The following CCDC73 variants were observed in gnomAD, a reference collection of about 807,000 sequenced individuals.
CCDC73 encodes coiled-coil domain containing 73, also known as coiled-coil domain-containing protein 73.
A neutral mutation model predicts 116.5 loss-of-function variants in CCDC73; 95 were observed. That is an observed-to-expected ratio of 0.82 (90% CI 0.69 to 0.97). The LOEUF is 0.97. Among genes scored for constraint, CCDC73 ranks in the 50% least tolerant of loss-of-function variants. The pLI is 0.00. For synonymous variants in CCDC73, 398 were observed against 401.3 expected (o/e 0.99, Z 0.10); for missense variants, 1,066 against 1,206.8 (o/e 0.88, Z 1.73).
Position 32,785,734 on chromosome 11 carries a change from A to G in CCDC73, c.-16+8879T>C, listed in dbSNP as rs531319543. Among the ~76,000 whole-genome samples the G allele has an allele frequency of 2.0e-5, 3 of 152,240 alleles. No homozygotes were observed. The East Asian group carries it at 5.8e-4, about 29-fold the overall frequency. On this transcript the variant is annotated intron_variant, in intron 1 of 17. Coordinates refer to ENST00000335185, the MANE Select transcript of CCDC73 (RefSeq NM_001008391.4). ...GCACCAGTTTTGAAGTTTTGTGGTA[A>G]AGTACAGATTTTTGTTATGTGCTTT...
At chr11:32,665,101 G>A (rs538795669) in intron 9 of CCDC73, among the ~76,000 whole-genome samples, 249 of 152,320 alleles carry the variant, frequency 1.6e-3, no homozygotes, top group African/African-American at 5.7e-3. Context: ...TTTGGAATAA[G>A]TGTGATGTGG....
At chr11:32,733,279 G>C (rs1319425255) in intron 2 of CCDC73, among the ~76,000 whole-genome samples, 1 of 152,136 alleles carries the variant, frequency 6.6e-6, no homozygotes, top group African/African-American at 2.4e-5. Flanking sequence ...CAAGTCCTTA[G>C]AGACCTACAA....
At chr11:32,803,452 C>A in the CCDC73 span, among the ~76,000 whole-genome samples, 1 of 152,210 alleles carries the variant, frequency 6.6e-6, no homozygotes, top group Admixed American at 6.5e-5. Flanking sequence ...TACTAAACAG[C>A]ATGCACCTTT....
intron 9 of CCDC73, among the ~76,000 whole-genome samples, chr11:32,659,077 CA>C (rs1272543472): frequency 6.6e-6 from 1 of 152,006 alleles, no homozygotes; most frequent in Non-Finnish European, 1.5e-5. Context: ...TAACTATTCT[CA>C]AAAAAGTCCT....
intron 6 of CCDC73, among the ~76,000 whole-genome samples, chr11:32,689,698 A>G (rs1856236505): frequency 6.6e-6 from 1 of 152,186 alleles, no homozygotes; most frequent in Non-Finnish European, 1.5e-5. Context: ...TTGAAGAATT[A>G]GTGAACTAAA....
At chr11:32,625,906 T>C (rs1454247754) in intron 14 of CCDC73, among the ~76,000 whole-genome samples, 1 of 147,454 alleles carries the variant, frequency 6.8e-6, no homozygotes, top group East Asian at 1.9e-4. Flanking sequence ...AGCATTCCCT[T>C]TGAAAACTGG....
At chr11:32,702,761 T>A in intron 4 of CCDC73, 112 bp downstream of exon 4, 1 of 770,664 alleles carries the variant, frequency 1.3e-6, no homozygotes, top group South Asian at 1.5e-5. Flanking sequence ...TAATACCTTG[T>A]TCTCCTTTTT....
chr11:32,614,385 A>G lies in CCDC73; in HGVS notation c.1933T>C (p.Tyr645His). ...ACATTACTTGAATTCCGTAAACTAT[A>G]TTTCTGACATGGAACAGGATTTTTT... ...IKKNPVPCQK[Y>H]SLRNSSNVML... is the part of the protein sequence containing the mutation. The change falls in exon 16 of 18, where the codon TAT (tyrosine) becomes CAT (histidine). Residue 645 changes from tyrosine to histidine, a missense_variant. By Grantham distance (83) the Tyr-to-His change is moderately conservative. Coordinates refer to ENST00000335185, the MANE Select transcript of CCDC73 (RefSeq NM_001008391.4). The G allele has an allele frequency of 6.2e-7, 1 of 1,613,038 alleles. No homozygotes were observed. Among genetic ancestry groups the G allele is most frequent in the Non-Finnish European group, 8.5e-7 (1 of 1,179,388 alleles).
rs762976217 is a variant in CCDC73, at chr11:32,614,076, T to G, written c.2242A>C (p.Met748Leu). The stretch of plus-strand genomic sequence containing the variant: ...TGCATATCACTCATATTTTTACACA[T>G]AGTTTTTCCCCCAGGGCTTGAGTTA... Reference protein sequence around the residue: ...KPNSSPGGKTMCKNMSDMQNS... With the variant: ...KPNSSPGGKTLCKNMSDMQNS... The change falls in exon 16 of 18, where the codon ATG becomes CTG. Residue 748 changes from methionine (M) to leucine (L), a missense_variant. Physicochemically the swap from Met to Leu is conservative, Grantham distance 15. Coordinates refer to ENST00000335185, the MANE Select transcript of CCDC73 (RefSeq NM_001008391.4). 6.2e-7 allele frequency: 1 copy of G among 1,613,372 alleles called. No homozygotes were observed. Among genetic ancestry groups the G allele is most frequent in the Non-Finnish European group, 8.5e-7 (1 of 1,179,902 alleles).
intron 1 of CCDC73, among the ~76,000 whole-genome samples, chr11:32,770,410 A>G (rs1461913721): frequency 6.6e-6 from 1 of 152,200 alleles, no homozygotes; most frequent in Non-Finnish European, 1.5e-5. Flanking sequence ...GAGAAACAAG[A>G]TCACATGGTA....
chr11:32,720,487 T>C (rs913787208), intron 2 of CCDC73, among the ~76,000 whole-genome samples: 1 of 152,150 alleles, frequency 6.6e-6, no homozygotes, highest in Non-Finnish European at 1.5e-5. Flanking sequence ...TCTATTCTCA[T>C]CGCTCTTATT....
chr11:32,718,016 G>T, intron 3 of CCDC73, 60 bp downstream of exon 3: 1 of 1,193,022 alleles, frequency 8.4e-7, no homozygotes, highest in South Asian at 1.3e-5. Flanking sequence ...TGGGGGTTAC[G>T]GGGATTACAA....
intron 5 of CCDC73, 70 bp from the exon 6 acceptor site, chr11:32,699,395 C>A: frequency 7.4e-7 from 1 of 1,353,316 alleles, no homozygotes; most frequent in Non-Finnish European, 9.6e-7. Context: ...AATATAAGAG[C>A]TCAAGAACCC....
chr11:32,701,125 G>C (rs1849807211), intron 4 of CCDC73, among the ~76,000 whole-genome samples: 1 of 152,098 alleles, frequency 6.6e-6, no homozygotes, highest in Non-Finnish European at 1.5e-5. Flanking sequence ...CCAAGTAGCT[G>C]AGACTAGAGC....
At chr11:32,830,161 C>CG in the CCDC73 span, 9 of 1,021,458 alleles carry the variant, frequency 8.8e-6, no homozygotes, top group Non-Finnish European at 1.1e-5. Context: ...GGAACATGTG[C>CG]GGGGGGACAC....
intron 2 of CCDC73, among the ~76,000 whole-genome samples, chr11:32,750,245 C>T (rs1850275761): frequency 6.6e-6 from 1 of 152,156 alleles, no homozygotes; most frequent in African/African-American, 2.4e-5. Context: ...ACAGGTGACA[C>T]AAGCACCCCT....
intron 1 of CCDC73, among the ~76,000 whole-genome samples, chr11:32,781,932 G>A (rs1284237618): frequency 1.3e-5 from 2 of 152,134 alleles, no homozygotes; most frequent in Non-Finnish European, 2.9e-5. Flanking sequence ...GCGATGGCAC[G>A]AGAGCAAGTG....
chr11:32,681,625 C>A (rs949342557), intron 7 of CCDC73: 3 of 151,926 alleles, frequency 2.0e-5, no homozygotes, highest in African/African-American at 7.2e-5. Flanking sequence ...CAAGTTATTT[C>A]TTTTAGGACC....
At chr11:32,698,169 C>T (rs887905084) in intron 6 of CCDC73, among the ~76,000 whole-genome samples, 2 of 151,730 alleles carry the variant, frequency 1.3e-5, no homozygotes, top group Non-Finnish European at 2.9e-5. Flanking sequence ...GGACTACAGG[C>T]GCCCGCCACC....
Sources: gnomAD v4.1 joint callset for allele counts (sites outside exome capture counted in the v4.1 genomes callset) on GRCh38, gnomAD v4.1.1 for gene constraint, MANE v1.5 for transcripts, NCBI Gene and HGNC (gene_info 2026-07-23, HGNC 2026-07-21) for gene names.